GASK1B: variants seen among roughly 807,000 people sequenced by gnomAD.
GASK1B encodes golgi associated kinase 1B.
A neutral mutation model predicts 42.8 loss-of-function variants in GASK1B; 34 were observed. The observed-to-expected ratio is 0.79, with a 90% CI of 0.60 to 1.06. GASK1B has a LOEUF of 1.06. Among genes scored for constraint, GASK1B ranks in the 50% least tolerant of loss-of-function variants. The probability of loss-of-function intolerance (pLI) is 0.00; values close to 1 mark genes in which losing one functional copy is unlikely to be tolerated. For missense variants in GASK1B, 686 were observed against 661.0 expected (o/e 1.04, Z -0.42); for synonymous variants, 262 against 259.1 (o/e 1.01, Z -0.11).
chr4:158,139,773 G>A (rs1731044157), intron 3 of GASK1B, among the ~76,000 whole-genome samples: 2 of 152,194 alleles, frequency 1.3e-5, no homozygotes, highest in South Asian at 2.1e-4. Context: ...GAGAGAAGTG[G>A]AATTGTTCTT....
rs368671237 is a variant in GASK1B at position 158,142,073 on chromosome 4, T to C, written c.1126-11061A>G. Reference sequence around the variant, plus strand: ...CATTCTCCTGCCTCAGCCTCCCGAGTAGCTGGGACTACAGGCGCCCGCCAC... The same window carrying C: ...CATTCTCCTGCCTCAGCCTCCCGAGCAGCTGGGACTACAGGCGCCCGCCAC... On this transcript the variant is annotated intron_variant, in intron 3 of 4. Coordinates refer to ENST00000585682, the MANE Select transcript of GASK1B (RefSeq NM_001128424.2). Among the ~76,000 whole-genome samples, 63 of 148,262 alleles carry C rather than the reference T, an allele frequency of 4.2e-4. No individual in the cohort carries two copies. In the East Asian group the frequency reaches 0.011, roughly 27 times the overall value.
At chr4:158,148,496 A>G (rs1731420182) in intron 3 of GASK1B, among the ~76,000 whole-genome samples, 1 of 152,210 alleles carries the variant, frequency 6.6e-6, no homozygotes, top group Admixed American at 6.5e-5. Context: ...CACTCTCTCA[A>G]TTGCTATCCC....
chr4:158,143,648 T>G (rs986139238), intron 3 of GASK1B, among the ~76,000 whole-genome samples: 3 of 152,052 alleles, frequency 2.0e-5, no homozygotes, highest in Non-Finnish European at 4.4e-5. Context: ...CAGAGAAAGA[T>G]TAAAAGAGGA....
intron 3 of GASK1B, among the ~76,000 whole-genome samples, chr4:158,140,599 G>T (rs1461757198): frequency 1.3e-5 from 2 of 152,250 alleles, no homozygotes; most frequent in Non-Finnish European, 2.9e-5. Flanking sequence ...TTACTCAGAG[G>T]CTCAGTGCTT....
chr4:158,170,056 T>C (rs1732405369), intron 2 of GASK1B: 2 of 629,838 alleles, frequency 3.2e-6, no homozygotes, highest in South Asian at 4.3e-5. Context: ...TCCCCCTTAC[T>C]TTTAAAAACT....
At position 158,171,708 on chromosome 4, in the gene GASK1B, C is replaced by T. The variant is rs376811108; in HGVS notation, c.-224-109G>A. On this transcript the variant is annotated intron_variant, in intron 1 of 4. Coordinates refer to ENST00000585682, the MANE Select transcript of GASK1B (RefSeq NM_001128424.2). The stretch of plus-strand genomic sequence containing the variant: ...TCATTTCCTTTCATAAATATCACCA[C>T]TAAATGTTTTTAAAAATAAAATTTA... The T allele has an allele frequency of 2.0e-4, 41 of 207,638 alleles. No homozygotes were observed. The South Asian group carries it at 7.5e-3, about 38-fold the overall frequency. 12.9% of individuals were successfully genotyped at this position (207,638 alleles called of 1,614,324 possible).
intron 2 of GASK1B, among the ~76,000 whole-genome samples, chr4:158,167,859 C>G (rs1348694440): frequency 6.6e-6 from 1 of 151,970 alleles, no homozygotes; most frequent in African/African-American, 2.4e-5. Context: ...ATAGCAGTGC[C>G]CTAGAAGAAA....
At chr4:158,159,902 G>T (rs1165815922) in intron 2 of GASK1B, among the ~76,000 whole-genome samples, 22 of 152,124 alleles carry the variant, frequency 1.4e-4, no homozygotes, top group Admixed American at 1.4e-3. Flanking sequence ...TTCACTTTGA[G>T]CACTGGCTGA....
At chr4:158,136,185 G>A (rs1730882189) in intron 3 of GASK1B, among the ~76,000 whole-genome samples, 1 of 152,080 alleles carries the variant, frequency 6.6e-6, no homozygotes, top group Non-Finnish European at 1.5e-5. Context: ...ATTACTGAGA[G>A]TAAGGGGAAC....
chr4:158,128,396 A>C (rs1325884871), intron 4 of GASK1B, among the ~76,000 whole-genome samples: 1 of 152,214 alleles, frequency 6.6e-6, no homozygotes, highest in Non-Finnish European at 1.5e-5. Context: ...TTAGAAAGCC[A>C]GGAGTCCAGC....
intron 2 of GASK1B, chr4:158,169,987 C>A: frequency 2.1e-6 from 1 of 485,914 alleles, no homozygotes; most frequent in African/African-American, 1.9e-5. Flanking sequence ...TTAAACCTAA[C>A]ATGGTCTGGC....
intron 3 of GASK1B, among the ~76,000 whole-genome samples, chr4:158,134,131 A>T (rs1170683050): frequency 6.6e-6 from 1 of 152,214 alleles, no homozygotes; most frequent in South Asian, 2.1e-4. Context: ...TTGAATTCAT[A>T]TTCAATATAC....
At chr4:158,134,376 C>T (rs1730801401) in intron 3 of GASK1B, among the ~76,000 whole-genome samples, 1 of 152,182 alleles carries the variant, frequency 6.6e-6, no homozygotes, top group Non-Finnish European at 1.5e-5. Context: ...TGATTAAGCA[C>T]TGTAGTGTAC....
chr4:158,172,868 C>T lies in GASK1B; in HGVS notation c.-225G>A, dbSNP rs1419854417. 1.3e-5 allele frequency: 2 copies of T among 152,068 alleles called. No homozygotes were observed. Among genetic ancestry groups the T allele is most frequent in the African/African-American group, 4.8e-5 (2 of 41,390 alleles). 9.4% of individuals were successfully genotyped at this position (152,068 alleles called of 1,614,324 possible). On this transcript the variant is annotated splice_region_variant and 5_prime_UTR_variant, in exon 1 of 5. Coordinates refer to ENST00000585682, the MANE Select transcript of GASK1B (RefSeq NM_001128424.2). ...ACAAGCGTTCCCAGGAACTACTCAC[C>T]TTACCATCTTGGCCGTTTCATTTGT...
In GASK1B at chr4:158,127,214, T is replaced by C. The variant is rs984989247; in HGVS notation, c.*193A>G. 13 of 433,104 alleles carry C rather than the reference T, an allele frequency of 3.0e-5. No individual in the cohort carries two copies. The highest frequency in any genetic ancestry group is 4.5e-5 in the Non-Finnish European group (11 of 244,816). 26.8% of individuals were successfully genotyped at this position (433,104 alleles called of 1,614,324 possible). On this transcript the variant is annotated 3_prime_UTR_variant, in exon 5 of 5. Coordinates refer to ENST00000585682, the MANE Select transcript of GASK1B (RefSeq NM_001128424.2). The stretch of plus-strand genomic sequence containing the variant: ...TATAAACAAATATTTCTCAAGTAGT[T>C]TGTTTTTCAAAACCTTTTTAAGTAT...
intron 3 of GASK1B, among the ~76,000 whole-genome samples, chr4:158,133,754 C>T (rs2110934180): frequency 6.6e-6 from 1 of 152,244 alleles, no homozygotes; most frequent in Middle Eastern, 3.4e-3. Context: ...ATGATTTCAC[C>T]ACCTCCCTGA....
At chr4:158,160,406 C>T (rs1004900793) in intron 2 of GASK1B, among the ~76,000 whole-genome samples, 3 of 152,012 alleles carry the variant, frequency 2.0e-5, no homozygotes, top group Non-Finnish European at 4.4e-5. Context: ...TAAGATATGA[C>T]TTCACCCCTG....
intron 3 of GASK1B, among the ~76,000 whole-genome samples, chr4:158,148,071 A>C (rs1731400795): frequency 2.0e-5 from 3 of 152,066 alleles, no homozygotes; most frequent in South Asian, 2.1e-4. Flanking sequence ...ATGTTTTAAA[A>C]AGTGTGGTGG....
chr4:158,163,615 A>G (rs1206659804), intron 2 of GASK1B, among the ~76,000 whole-genome samples: 1 of 152,016 alleles, frequency 6.6e-6, no homozygotes, highest in Non-Finnish European at 1.5e-5. Context: ...GCAATGTTAT[A>G]TTTTATACAT....
Sources: allele counts gnomAD v4.1 joint callset (sites outside exome capture counted in the v4.1 genomes callset), GRCh38; gene constraint gnomAD v4.1.1; transcripts MANE v1.5; gene names NCBI Gene and HGNC (gene_info 2026-07-23, HGNC 2026-07-21).